ARHGAP8: variants seen among roughly 807,000 people sequenced by gnomAD.
ARHGAP8 encodes Rho GTPase activating protein 8.
A neutral mutation model predicts 46.1 loss-of-function variants in ARHGAP8; 62 were observed. That is an observed-to-expected ratio of 1.34 (90% CI 1.10 to 1.66). ARHGAP8 has a LOEUF of 1.66. Ranked by LOEUF, ARHGAP8 falls within the 40% of genes most tolerant of loss-of-function variation. The probability of loss-of-function intolerance (pLI) is 0.00; values close to 1 mark genes in which losing one functional copy is unlikely to be tolerated. For synonymous variants in ARHGAP8, 375 were observed against 243.1 expected (o/e 1.54, Z -5.05); for missense variants, 923 against 568.4 (o/e 1.62, Z -6.34).
intron 8 of ARHGAP8, among the ~76,000 whole-genome samples, chr22:44,847,171 G>A (rs1221209287): frequency 6.6e-6 from 1 of 152,230 alleles, no homozygotes; most frequent in African/African-American, 2.4e-5. Context: ...CCCCCCAAGG[G>A]CAGGCTCAGG....
chr22:44,862,117 G>A (rs890957346), intron 11 of ARHGAP8, among the ~76,000 whole-genome samples, 158 bp from the exon 12 acceptor site: 2 of 152,172 alleles, frequency 1.3e-5, no homozygotes, highest in African/African-American at 2.4e-5. Context: ...GGCCCTGAGT[G>A]GGCAGGTGGC....
rs550396862 is a variant in ARHGAP8 at position 44,818,803 on chromosome 22, C to T, written c.387-3568C>T. Reference sequence around the variant, plus strand: ...CCTTAACCTCCTGGGCTCAAGTGGTCCTCCCACCTCAGCCTCTCACATAGC... The same window carrying T: ...CCTTAACCTCCTGGGCTCAAGTGGTTCTCCCACCTCAGCCTCTCACATAGC... On this transcript the variant is annotated intron_variant, in intron 5 of 11. Transcript: ENST00000356099. Among the ~76,000 whole-genome samples the T allele has an allele frequency of 2.6e-5, 4 of 151,646 alleles. No individual in the cohort carries two copies. The South Asian group carries it at 8.4e-4, about 32-fold the overall frequency.
At chr22:44,801,807 T>C in intron 2 of ARHGAP8, 1 of 506,864 alleles carries the variant, frequency 2.0e-6, no homozygotes, top group Non-Finnish European at 3.6e-6. Context: ...GGCTCTGCAC[T>C]GATGACTTAA....
intron 1 of ARHGAP8, among the ~76,000 whole-genome samples, chr22:44,763,087 A>G (rs1925268899): frequency 6.6e-6 from 1 of 152,156 alleles, no homozygotes; most frequent in South Asian, 2.1e-4. Context: ...TTGTGAAACA[A>G]CAAGGCTAAG....
chr22:44,778,547 G>A (rs371373734), intron 1 of ARHGAP8, among the ~76,000 whole-genome samples: 38 of 152,192 alleles, frequency 2.5e-4, no homozygotes, highest in Non-Finnish European at 4.0e-4. Context: ...ACACCCAGTA[G>A]CGGGATTGCT....
chr22:44,854,310 C>T (rs1364006934), intron 10 of ARHGAP8, among the ~76,000 whole-genome samples: 2 of 147,958 alleles, frequency 1.4e-5, no homozygotes, highest in South Asian at 2.2e-4. Context: ...GATCTTGGCT[C>T]ATTACAACTT....
chr22:44,814,224 G>A (rs1426805993), intron 4 of ARHGAP8, among the ~76,000 whole-genome samples: 3 of 152,218 alleles, frequency 2.0e-5, no homozygotes, highest in African/African-American at 4.8e-5. Context: ...GCCTCTGGCC[G>A]GCTGATGTTT....
At chr22:44,840,820 C>T (rs914911602) in intron 7 of ARHGAP8, among the ~76,000 whole-genome samples, 1 of 152,190 alleles carries the variant, frequency 6.6e-6, no homozygotes, top group African/African-American at 2.4e-5. Flanking sequence ...CGCGTCCTCG[C>T]GTGGAGAAAG....
At chr22:44,835,671 G>C (rs1435701295) in intron 7 of ARHGAP8, among the ~76,000 whole-genome samples, 1 of 152,108 alleles carries the variant, frequency 6.6e-6, no homozygotes, top group Non-Finnish European at 1.5e-5. Context: ...TACAACTTTT[G>C]GGTGTTGTCT....
At chr22:44,779,695 G>A (rs774238082) in intron 1 of ARHGAP8, among the ~76,000 whole-genome samples, 6 of 151,574 alleles carry the variant, frequency 4.0e-5, no homozygotes, top group African/African-American at 1.2e-4. Flanking sequence ...CCGAGTAGCC[G>A]GGATTACAGG....
At chr22:44,814,908 G>C (rs879498374) in intron 5 of ARHGAP8, 150 bp downstream of exon 5, 4 of 890,966 alleles carry the variant, frequency 4.5e-6, no homozygotes, top group African/African-American at 3.4e-5. Flanking sequence ...TGGGGTCTGC[G>C]GGGGGTCACA....
chr22:44,827,491 C>T (rs1173779840), intron 7 of ARHGAP8, among the ~76,000 whole-genome samples: 1 of 151,860 alleles, frequency 6.6e-6, no homozygotes, highest in Non-Finnish European at 1.5e-5. Flanking sequence ...TATAGGCGCC[C>T]ACCGCCATGC....
chr22:44,859,100 A>G (rs997570966), intron 10 of ARHGAP8, among the ~76,000 whole-genome samples: 5 of 152,150 alleles, frequency 3.3e-5, no homozygotes, highest in African/African-American at 7.2e-5. Flanking sequence ...TCCCATTTAT[A>G]AAGTGATTCG....
chr22:44,858,008 C>T (rs117470972), intron 10 of ARHGAP8, among the ~76,000 whole-genome samples: 1 of 152,310 alleles, frequency 6.6e-6, no homozygotes, highest in Admixed American at 6.5e-5. Context: ...AAGGTTCAGG[C>T]ACAACACCCA....
At chr22:44,818,687 TCTTC>T (rs202196754) in intron 5 of ARHGAP8, among the ~76,000 whole-genome samples, 14,562 of 151,242 alleles carry the variant, frequency 0.096, 1,017 homozygotes, top group East Asian at 0.31. Flanking sequence ...ATTTTATTTT[TCTTC>T]CTTCCTTCCT....
chr22:44,808,284 T>G, intron 3 of ARHGAP8, 23 bp from the exon 4 acceptor site: 1 of 1,601,016 alleles, frequency 6.2e-7, no homozygotes, highest in South Asian at 1.1e-5. Context: ...TTTTCATAAC[T>G]GAATCTTCTG....
At chr22:44,801,835 T>A (rs992785736) in intron 2 of ARHGAP8, 58 of 545,462 alleles carry the variant, frequency 1.1e-4, no homozygotes, top group Non-Finnish European at 1.7e-4. Context: ...GGGCCTCGGT[T>A]TTCTATCTGT....
intron 1 of ARHGAP8, among the ~76,000 whole-genome samples, chr22:44,780,355 T>G (rs535726375): frequency 1.7e-4 from 26 of 151,608 alleles, no homozygotes; most frequent in African/African-American, 5.6e-4. Context: ...AGATCCTATC[T>G]CTTAAAAAAT....
At chr22:44,837,934 A>G (rs892334698) in intron 7 of ARHGAP8, among the ~76,000 whole-genome samples, 5 of 152,098 alleles carry the variant, frequency 3.3e-5, no homozygotes, top group African/African-American at 1.2e-4. Context: ...GTTGGGCTGG[A>G]TGATCTCAGA....
Sources: gnomAD v4.1 joint callset for allele counts (sites outside exome capture counted in the v4.1 genomes callset) on GRCh38, gnomAD v4.1.1 for gene constraint, MANE v1.5 for transcripts, NCBI Gene and HGNC (gene_info 2026-07-23, HGNC 2026-07-21) for gene names.